Variants in CASKIN1 observed in about 807,000 individuals in gnomAD.
The protein encoded by CASKIN1 is caskin-1.
CASKIN1 carries 42 observed loss-of-function variants against 117.5 expected under a neutral mutation model. The observed-to-expected ratio is 0.36, with a 90% CI of 0.28 to 0.46. The LOEUF is 0.46. Ranked by LOEUF, CASKIN1 falls within the 20% of genes least tolerant of loss-of-function variation. The pLI is 1.00. For missense variants in CASKIN1, 2,083 were observed against 2,077.3 expected, an observed-to-expected ratio of 1.00 and a Z score of -0.05; for synonymous variants, 1,148 against 961.7, an observed-to-expected ratio of 1.19 and a Z score of -3.59.
rs374770264 is a variant in CASKIN1, at chr16:2,181,836, C to T, written c.1723G>A (p.Asp575Asn). 1.7e-4 allele frequency: 272 copies of T among 1,613,570 alleles called. No homozygotes were observed. The highest frequency in any genetic ancestry group is 2.5e-4 in the Admixed American group (15 of 59,986). ...TCCTGCAGGTCCTCCCAGGTGATGT[C>T]GGTGATGAAATCAATGTTCTCGTAG... ...NGYENIDFITDITWEDLQEIG... is the reference protein window; with the variant it reads ...NGYENIDFITNITWEDLQEIG... The change falls in exon 17 of 20, where the codon GAC becomes AAC. Residue 575 changes from aspartate (D) to asparagine (N), a missense_variant. Around this residue, in one of 3 missense-constraint regions of CASKIN1, gnomAD observed 1,818 missense variants for 1,688.9 expected, o/e 1.08. Transcript: ENST00000343516.
At chr16:2,187,296 C>A in intron 7 of CASKIN1, 22 bp from the exon 8 acceptor site, 3 of 1,613,932 alleles carry the variant, frequency 1.9e-6, no homozygotes, top group Non-Finnish European at 2.5e-6. Context: ...AGAGATGAGG[C>A]TCTGTCAGGA....
chr16:2,179,480 C>T lies in CASKIN1; in HGVS notation c.3775+113G>A, dbSNP rs2093158834. Reference sequence around the variant, plus strand: ...GGATGAGAGGGTCTGGGGACACGTTCCCACCCCACCTGGGCTTCCATCAAA... The same window carrying T: ...GGATGAGAGGGTCTGGGGACACGTTTCCACCCCACCTGGGCTTCCATCAAA... On this transcript the variant is annotated intron_variant, in intron 18 of 19. Transcript: ENST00000343516. This position sits in a 1 kb window ranked among gnomAD's most constrained non-coding sequence, Gnocchi z 5.8. The T allele has an allele frequency of 4.3e-6, 6 of 1,389,798 alleles. No individual in the cohort carries two copies. The East Asian group carries it at 1.4e-4, about 32-fold the overall frequency. 86.1% of individuals were successfully genotyped at this position (1,389,798 alleles called of 1,614,324 possible).
At position 2,181,125 on chromosome 16, in the gene CASKIN1, C is replaced by A. The variant is rs1225162256; in HGVS notation, c.2243G>T (p.Gly748Val). Reference protein sequence around the residue: ...PPREARPGRHGHSIKRASVPP... With the variant: ...PPREARPGRHVHSIKRASVPP... The stretch of plus-strand genomic sequence containing the variant: ...CACGCTGGCCCTCTTGATGCTGTGG[C>A]CGTGGCGGCCGGGCCGGGCCTCCCT... The change falls in exon 18 of 20, where the codon GGC becomes GTC. Residue 748 changes from glycine to valine, a missense_variant. This residue lies in a region of CASKIN1 where 1,818 missense variants were observed against 1,688.9 expected (regional missense o/e 1.08). Coordinates refer to ENST00000343516, the MANE Select transcript of CASKIN1 (RefSeq NM_020764.4). 24 of 1,478,204 alleles carry A rather than the reference C, an allele frequency of 1.6e-5. No individual in the cohort carries two copies. Among genetic ancestry groups the A allele is most frequent in the Non-Finnish European group, 2.1e-5 (24 of 1,123,486 alleles). 91.6% of individuals were successfully genotyped at this position (1,478,204 alleles called of 1,614,324 possible).
chr16:2,192,887 G>T (rs2093204988), intron 1 of CASKIN1, among the ~76,000 whole-genome samples: 1 of 152,218 alleles, frequency 6.6e-6, no homozygotes, highest in African/African-American at 2.4e-5. Context: ...CTCAGTTGCG[G>T]ACTGGATCGA....
intron 16 of CASKIN1, among the ~76,000 whole-genome samples, chr16:2,183,387 G>A (rs1052309081): frequency 1.9e-4 from 29 of 152,300 alleles, no homozygotes; most frequent in African/African-American, 6.5e-4. Context: ...GTCCTGGTGA[G>A]AGCATGGACG....
intron 10 of CASKIN1, 133 bp downstream of exon 10, chr16:2,186,574 G>T (rs2093185358): frequency 1.4e-6 from 1 of 697,336 alleles, no homozygotes; most frequent in African/African-American, 1.8e-5. Flanking sequence ...GCACCCTGAT[G>T]CTCCCCACTC....
chr16:2,190,352 A>G lies in CASKIN1; in HGVS notation c.101T>C (p.Leu34Pro), dbSNP rs1207458466. ...QRPRPGKAKLLGSTKKINVNF... is the reference protein window; with the variant it reads ...QRPRPGKAKLPGSTKKINVNF... ...GACATTGATCTTCTTGGTGGAACCC[A>G]GGAGCTCTGGGGATGGAAGGAGACT... is the stretch of plus-strand genomic sequence containing the variant. The change falls in exon 2 of 20, where the codon CTG (leucine) becomes CCG (proline). Residue 34 changes from leucine to proline, a missense_variant. By Grantham distance (98) the Leu-to-Pro change is moderately conservative. Transcript: ENST00000343516. 1 of 1,572,394 alleles carries G rather than the reference A, an allele frequency of 6.4e-7. No individual in the cohort carries two copies. Among genetic ancestry groups the G allele is most frequent in the Non-Finnish European group, 8.6e-7 (1 of 1,158,202 alleles).
chr16:2,188,682 C>T (rs1482912808), intron 6 of CASKIN1, among the ~76,000 whole-genome samples: 1 of 152,186 alleles, frequency 6.6e-6, no homozygotes, highest in African/African-American at 2.4e-5. Context: ...AGGGCCCTCC[C>T]TGTGCTAAGA....
rs767552443 is a variant in CASKIN1, at chr16:2,180,956, C to T, written c.2412G>A (p.Val804=). The change falls in exon 18 of 20, where the codon GTG becomes GTA. Residue 804 remains valine, a synonymous_variant. Transcript: ENST00000343516. ...PHGPAPATAK[V]KPTPQLLPPT... is the part of the protein sequence containing the mutation. Reference sequence around the variant, plus strand: ...GCGGCAGCAGCTGCGGGGTGGGCTTCACCTTGGCCGTAGCTGGGGCTGGAC... The same window carrying T: ...GCGGCAGCAGCTGCGGGGTGGGCTTTACCTTGGCCGTAGCTGGGGCTGGAC... 6.8e-7 allele frequency: 1 copy of T among 1,466,496 alleles called. No individual in the cohort carries two copies. Among genetic ancestry groups the T allele is most frequent in the African/African-American group, 1.5e-5 (1 of 67,728 alleles). The allele number at this position is 1,466,496 out of a possible 1,614,324, so 90.8% of individuals were successfully genotyped here.
intron 19 of CASKIN1, 25 bp from the exon 20 acceptor site, chr16:2,178,671 T>A: frequency 6.4e-7 from 1 of 1,570,328 alleles, no homozygotes; most frequent in Non-Finnish European, 8.6e-7. Flanking sequence ...GCAAGGGGCG[T>A]GAGTGGGCGG....
chr16:2,183,710 C>T lies in CASKIN1; in HGVS notation c.1565G>A (p.Arg522Gln), dbSNP rs551345537. The T allele has an allele frequency of 3.7e-6, 6 of 1,613,376 alleles. No individual in the cohort carries two copies. Among genetic ancestry groups the T allele is most frequent in the Admixed American group, 3.3e-5 (2 of 60,020 alleles). Reference sequence around the variant, plus strand: ...GCTGATCTCTGCCGCGATCTTCTTCCGGTGGCCCGGCTTGGTGACACCAAT... The same window carrying T: ...GCTGATCTCTGCCGCGATCTTCTTCTGGTGGCCCGGCTTGGTGACACCAAT... ...TAIGVTKPGH[R>Q]KKIAAEISGL... The change falls in exon 16 of 20, where the codon CGG becomes CAG. Residue 522 changes from arginine to glutamine, a missense_variant. Physicochemically the swap from Arg to Gln is conservative, Grantham distance 43. Around this residue, in one of 3 missense-constraint regions of CASKIN1, gnomAD observed 1,818 missense variants for 1,688.9 expected, o/e 1.08. Coordinates refer to ENST00000343516, the MANE Select transcript of CASKIN1 (RefSeq NM_020764.4).
intron 17 of CASKIN1, 83 bp from the exon 18 acceptor site, chr16:2,181,682 T>C: frequency 1.9e-6 from 2 of 1,065,544 alleles, no homozygotes; most frequent in Non-Finnish European, 2.4e-6. Context: ...TGGGCTGGGC[T>C]TGGGGCCCAG....
At position 2,186,774 on chromosome 16, in the gene CASKIN1, G is replaced by T. The variant is rs1249254381; in HGVS notation, c.981C>A (p.Asn327Lys). The T allele has an allele frequency of 6.2e-7, 1 of 1,613,050 alleles. No homozygotes were observed. Among genetic ancestry groups the T allele is most frequent in the South Asian group, 1.1e-5 (1 of 91,088 alleles). Residue 327 changes from asparagine (N) to lysine (K), a missense_variant, in exon 10 of 20, where the codon AAC becomes AAA. By Grantham distance (94) the Asn-to-Lys change is moderately conservative. Coordinates refer to ENST00000343516, the MANE Select transcript of CASKIN1 (RefSeq NM_020764.4). ...AGCCCACCCGGTCATTGCCCGTCCG[G>T]TTGTCATGGATGCAGCCCTTCCACC... is the stretch of plus-strand genomic sequence containing the variant. Reference protein sequence around the residue: ...DGRWKGCIHDNRTGNDRVGYF... With the variant: ...DGRWKGCIHDKRTGNDRVGYF...
rs779145283 is a variant in CASKIN1, at chr16:2,190,313, G to A, written c.140C>T (p.Pro47Leu). 4 of 1,576,144 alleles carry A rather than the reference G, an allele frequency of 2.5e-6. No individual in the cohort carries two copies. Among genetic ancestry groups the A allele is most frequent in the East Asian group, 2.3e-5 (1 of 42,776 alleles). The change falls in exon 2 of 20, where the codon CCG becomes CTG. Residue 47 changes from proline to leucine, a missense_variant. Pro to Leu is a moderately conservative substitution (Grantham distance 98, BLOSUM62 -3). Around this residue, in one of 3 missense-constraint regions of CASKIN1, gnomAD observed 203 missense variants for 338.7 expected, o/e 0.60. Transcript: ENST00000343516. ...CACCCGGCTCAGAACTCACCCATCCGGGTCCTGGAAGTTGACATTGATCTT... is the reference window on the plus strand; with the variant it reads ...CACCCGGCTCAGAACTCACCCATCCAGGTCCTGGAAGTTGACATTGATCTT... ...TKKINVNFQD[P>L]DGFSALHHAA...
At chr16:2,185,640 G>C (rs2093181948) in intron 10 of CASKIN1, among the ~76,000 whole-genome samples, 1 of 152,250 alleles carries the variant, frequency 6.6e-6, no homozygotes, top group African/African-American at 2.4e-5. Context: ...GGGTCCTGTG[G>C]GCAGGGGGCC....
In CASKIN1 at chr16:2,179,604, G is replaced by A. The variant is rs563743746; in HGVS notation, c.3764C>T (p.Pro1255Leu). ...CCTGGCTGGCCTACCTGGGCTGCCA[G>A]GGCCTGGCAGCGGCACCTTCTTGGA... ...PTSKKVPLPG[P>L]GSPEVKRAHG... The change falls in exon 18 of 20, where the codon CCT (proline) becomes CTT (leucine). Residue 1255 changes from proline to leucine, a missense_variant. Physicochemically the swap from Pro to Leu is moderately conservative, Grantham distance 98. Transcript: ENST00000343516. The surrounding 1 kb of genome is among the most constrained non-coding windows in gnomAD (Gnocchi z 5.8). The A allele has an allele frequency of 6.9e-7, 1 of 1,450,200 alleles. No individual in the cohort carries two copies. Among genetic ancestry groups the A allele is most frequent in the South Asian group, 1.5e-5 (1 of 68,262 alleles). 89.8% of individuals were successfully genotyped at this position (1,450,200 alleles called of 1,614,324 possible).
At chr16:2,191,716 G>A (rs2093202163) in intron 1 of CASKIN1, among the ~76,000 whole-genome samples, 1 of 152,250 alleles carries the variant, frequency 6.6e-6, no homozygotes, top group East Asian at 1.9e-4. Context: ...CTCTTGGTTA[G>A]TGGCAATGCC....
rs1196137720 is a variant in CASKIN1 at position 2,184,868 on chromosome 16, C to A, written c.1325G>T (p.Gly442Val). 1.3e-6 allele frequency: 2 copies of A among 1,573,308 alleles called. No individual in the cohort carries two copies. The highest frequency in any genetic ancestry group is 1.4e-5 in the African/African-American group (1 of 73,638). The change falls in exon 14 of 20, where the codon GGT becomes GTT. Residue 442 changes from glycine (G) to valine (V), a missense_variant and splice_region_variant. By Grantham distance (109) the Gly-to-Val change is moderately radical. Around this residue, in one of 3 missense-constraint regions of CASKIN1, gnomAD observed 1,818 missense variants for 1,688.9 expected, o/e 1.08. Transcript: ENST00000343516. Reference protein sequence around the residue: ...SPAKPPEGSAGVARSQPPVAH... With the variant: ...SPAKPPEGSAVVARSQPPVAH... ...CACTGGAGGCTGGGACCGGGCCACA[C>A]CTGAGGACGAGAGTGGGTGGGGGAC...
Position 2,186,975 on chromosome 16 carries a change from T to C in CASKIN1, c.930+3A>G. The C allele has an allele frequency of 6.2e-7, 1 of 1,613,570 alleles. No homozygotes were observed. The highest frequency in any genetic ancestry group is 1.1e-5 in the South Asian group (1 of 91,082). The stretch of plus-strand genomic sequence containing the variant: ...CTGAGATGGCCCCTGGGGCCATGCT[T>C]ACTGTGATGATGTCCCCTGCCTTCA... On this transcript the variant is annotated splice_donor_region_variant and intron_variant, in intron 9 of 19. Transcript: ENST00000343516.
Sources: allele counts gnomAD v4.1 joint callset (sites outside exome capture counted in the v4.1 genomes callset), GRCh38; gene constraint gnomAD v4.1.1; regional missense constraint gnomAD v4.1.1; non-coding constraint Gnocchi (gnomAD v3.1); transcripts MANE v1.5; gene names NCBI Gene and HGNC (gene_info 2026-07-23, HGNC 2026-07-21).